The following ACTL8 variants were observed in gnomAD, a reference collection of about 807,000 sequenced individuals.
ACTL8 encodes the protein actin-like protein 8.
Under a neutral mutation model 9.3 loss-of-function variants are expected in ACTL8, and 3 were observed. That is an observed-to-expected ratio of 0.32 (90% CI 0.15 to 0.83). The LOEUF (loss-of-function observed/expected upper bound fraction) is 0.83, where lower values mean the gene tolerates loss of function less well. Ranked by LOEUF, ACTL8 falls within the 40% of genes least tolerant of loss-of-function variation. The pLI, the probability that ACTL8 is intolerant of heterozygous loss-of-function variation, is 0.57. For synonymous variants in ACTL8, 224 were observed against 205.9 expected (o/e 1.09, Z -0.75); for missense variants, 381 against 492.2 (o/e 0.77, Z 2.14).
chr1:17,770,604 C>T (rs1165216886), intron 1 of ACTL8, among the ~76,000 whole-genome samples: 1 of 152,058 alleles, frequency 6.6e-6, no homozygotes, highest in Non-Finnish European at 1.5e-5. Context: ...CCTATAGGAA[C>T]CAAAGGCTTA....
chr1:17,769,715 G>A (rs896404599), intron 1 of ACTL8, among the ~76,000 whole-genome samples: 1 of 152,166 alleles, frequency 6.6e-6, no homozygotes, highest in Non-Finnish European at 1.5e-5. Flanking sequence ...GGGCCTGGTG[G>A]GCACGTGCTC....
intron 1 of ACTL8, among the ~76,000 whole-genome samples, chr1:17,780,151 T>C (rs1437293761): frequency 6.6e-6 from 1 of 151,964 alleles, no homozygotes; most frequent in Admixed American, 6.6e-5. Context: ...GAAGCTGCAG[T>C]GAGCTGTGAT....
chr1:17,786,073 C>T (rs2066195556), intron 1 of ACTL8, among the ~76,000 whole-genome samples: 1 of 152,352 alleles, frequency 6.6e-6, no homozygotes, highest in Admixed American at 6.5e-5. Context: ...GCAGGTGGCC[C>T]TGAGCCCCTA....
At chr1:17,785,916 T>C (rs1408942149) in intron 1 of ACTL8, among the ~76,000 whole-genome samples, 1 of 152,166 alleles carries the variant, frequency 6.6e-6, no homozygotes, top group Non-Finnish European at 1.5e-5. Context: ...AGGTGGTGAC[T>C]GGGCTGTGTT....
intron 1 of ACTL8, among the ~76,000 whole-genome samples, chr1:17,765,192 C>T (rs957007160): frequency 2.0e-5 from 3 of 152,176 alleles, no homozygotes; most frequent in African/African-American, 7.2e-5. Flanking sequence ...TGGCCTTCCT[C>T]CTCTGGGTCC....
At chr1:17,788,134 A>T (rs945314615) in intron 1 of ACTL8, among the ~76,000 whole-genome samples, 2 of 152,168 alleles carry the variant, frequency 1.3e-5, no homozygotes, top group African/African-American at 4.8e-5. Flanking sequence ...TATAGCATAG[A>T]TATCAACCCT....
chr1:17,756,080 G>A (rs2065967705), intron 1 of ACTL8, among the ~76,000 whole-genome samples: 2 of 151,162 alleles, frequency 1.3e-5, no homozygotes, highest in Admixed American at 1.3e-4. Flanking sequence ...TTTCTTTGTG[G>A]ACTTTATTTC....
intron 1 of ACTL8, among the ~76,000 whole-genome samples, chr1:17,799,860 C>T (rs1352461301): frequency 6.6e-5 from 10 of 151,788 alleles, no homozygotes; most frequent in East Asian, 1.9e-4. Flanking sequence ...CTTTTTCCTC[C>T]GGTTTCAGGA....
Position 17,826,509 on chromosome 1 carries a change from T to G in ACTL8, c.1091T>G (p.Met364Arg), listed in dbSNP as rs774843791. The change falls in exon 3 of 3, where the codon ATG (methionine) becomes AGG (arginine). Residue 364 changes from methionine (M) to arginine (R), a missense_variant. By Grantham distance (91) the Met-to-Arg change is moderately conservative (BLOSUM62 -1). Transcript: ENST00000375406. This position sits in a 1 kb window ranked among gnomAD's most constrained non-coding sequence, Gnocchi z 4.5. ...WMSREEYGEH[M>R]RM ...TCCCGAGAGGAGTATGGTGAGCATA[T>G]GAGGATGTGACCCTACTGGCTCACT... 8 of 1,570,846 alleles carry G rather than the reference T, an allele frequency of 5.1e-6. No homozygotes were observed. In the East Asian group the frequency reaches 1.8e-4, roughly 35 times the overall value.
At chr1:17,794,012 C>T (rs566789684) in intron 1 of ACTL8, among the ~76,000 whole-genome samples, 13 of 152,266 alleles carry the variant, frequency 8.5e-5, no homozygotes, top group Non-Finnish European at 1.9e-4. Context: ...TTCATTTTGG[C>T]TTCAGCTGTC....
intron 1 of ACTL8, among the ~76,000 whole-genome samples, chr1:17,789,157 CAG>C (rs112767091): frequency 2.4e-4 from 37 of 152,270 alleles, no homozygotes; most frequent in African/African-American, 8.4e-4. Context: ...TATACATAAT[CAG>C]AGTTTGGAGA....
intron 1 of ACTL8, among the ~76,000 whole-genome samples, chr1:17,801,044 A>G (rs60247148): frequency 0.043 from 6,613 of 152,296 alleles, 495 homozygotes; most frequent in African/African-American, 0.15. Context: ...AATTTGGTCA[A>G]ATGCTTTTGC....
chr1:17,824,563 C>A (rs923866188), intron 2 of ACTL8, among the ~76,000 whole-genome samples: 4 of 152,170 alleles, frequency 2.6e-5, no homozygotes, highest in Admixed American at 2.0e-4. Context: ...AGGTAAAATA[C>A]GTGATGCCTA....
At chr1:17,801,719 A>G (rs1438162242) in intron 1 of ACTL8, among the ~76,000 whole-genome samples, 1 of 152,262 alleles carries the variant, frequency 6.6e-6, no homozygotes, top group Non-Finnish European at 1.5e-5. Flanking sequence ...CAATTTCTGA[A>G]GCTTTCAAAA....
intron 1 of ACTL8, among the ~76,000 whole-genome samples, chr1:17,764,859 T>G (rs2066033001): frequency 1.3e-5 from 2 of 152,226 alleles, no homozygotes; most frequent in East Asian, 1.9e-4. Context: ...TTAGCCTCCC[T>G]TGGAGATGGC....
At chr1:17,810,680 T>A (rs528834224) in intron 1 of ACTL8, among the ~76,000 whole-genome samples, 1 of 152,336 alleles carries the variant, frequency 6.6e-6, no homozygotes, top group East Asian at 1.9e-4. Flanking sequence ...TAGTTAACTC[T>A]TCTCACCGCC....
intron 1 of ACTL8, among the ~76,000 whole-genome samples, chr1:17,784,346 C>T (rs1355926007): frequency 6.6e-6 from 1 of 152,174 alleles, no homozygotes; most frequent in Non-Finnish European, 1.5e-5. Context: ...CCACCAGGTC[C>T]CTTCTCCAAC....
intron 1 of ACTL8, among the ~76,000 whole-genome samples, chr1:17,755,973 G>A (rs1308395594): frequency 2.0e-5 from 3 of 152,230 alleles, no homozygotes; most frequent in Non-Finnish European, 4.4e-5. Context: ...GGGGCTCCAC[G>A]TCAGCCCTGG....
rs1016640192 is a variant in ACTL8, at chr1:17,791,943, T to C, written c.-24-31042T>C. Reference sequence around the variant, plus strand: ...CGGGACTCCCATTCCTGCCACCATCTCTTTGCTATCTGCAGAGTTTGTGAC... The same window carrying C: ...CGGGACTCCCATTCCTGCCACCATCCCTTTGCTATCTGCAGAGTTTGTGAC... On this transcript the variant is annotated intron_variant, in intron 1 of 2. Coordinates refer to ENST00000375406, the MANE Select transcript of ACTL8 (RefSeq NM_030812.3). Among the ~76,000 whole-genome samples the C allele has an allele frequency of 4.6e-5, 7 of 152,348 alleles. No homozygotes were observed. The East Asian group carries it at 1.2e-3, about 25-fold the overall frequency.
Sources: allele counts gnomAD v4.1 joint callset (sites outside exome capture counted in the v4.1 genomes callset), GRCh38; gene constraint gnomAD v4.1.1; non-coding constraint Gnocchi (gnomAD v3.1); transcripts MANE v1.5; gene names NCBI Gene and HGNC (gene_info 2026-07-23, HGNC 2026-07-21).